Variants in MIPEP observed in about 807,000 individuals in gnomAD.
MIPEP encodes mitochondrial intermediate peptidase.
MIPEP carries 79 observed loss-of-function variants against 90.3 expected under a neutral mutation model. That is an observed-to-expected ratio of 0.87 (90% CI 0.73 to 1.05). MIPEP has a LOEUF of 1.05. Among genes scored for constraint, MIPEP ranks in the 50% least tolerant of loss-of-function variants. The pLI is 0.00. For missense variants in MIPEP, 940 were observed against 905.6 expected, an observed-to-expected ratio of 1.04 and a Z score of -0.49; for synonymous variants, 334 against 315.8, an observed-to-expected ratio of 1.06 and a Z score of -0.61.
chr13:23,806,181 A>G (rs929662936), intron 15 of MIPEP, 112 bp from the exon 16 acceptor site: 3 of 1,049,750 alleles, frequency 2.9e-6, no homozygotes, highest in Non-Finnish European at 4.3e-6. Flanking sequence ...TCACAGTTGA[A>G]AACAGTCACA....
intron 16 of MIPEP, among the ~76,000 whole-genome samples, chr13:23,772,685 A>G (rs1458748156): frequency 1.3e-5 from 2 of 152,184 alleles, no homozygotes; most frequent in African/African-American, 2.4e-5. Flanking sequence ...TGATGGCCTC[A>G]TATTTCCTTC....
chr13:23,843,915 T>C (rs1869418670), intron 10 of MIPEP, among the ~76,000 whole-genome samples: 1 of 152,146 alleles, frequency 6.6e-6, no homozygotes, highest in South Asian at 2.1e-4. Context: ...GTAGAGTCAC[T>C]GAATCAGCCG....
rs182486621 is a variant in MIPEP, at chr13:23,800,693, T to C, written c.1848+5257A>G. 9.2e-5 allele frequency among the ~76,000 whole-genome samples: 14 copies of C among 152,336 alleles called. No individual in the cohort carries two copies. In the East Asian group the frequency reaches 2.7e-3, roughly 29 times the overall value. Reference sequence around the variant, plus strand: ...GTAAAGAAAGCATCATTATTTAATATGGAATATCTGTGGAGCTGCCCCTAT... The same window carrying C: ...GTAAAGAAAGCATCATTATTTAATACGGAATATCTGTGGAGCTGCCCCTAT... On this transcript the variant is annotated intron_variant, in intron 16 of 18. Coordinates refer to ENST00000382172, the MANE Select transcript of MIPEP (RefSeq NM_005932.4).
chr13:23,741,795 C>T (rs1342245682), intron 18 of MIPEP, among the ~76,000 whole-genome samples: 1 of 150,250 alleles, frequency 6.7e-6, no homozygotes, highest in East Asian at 1.9e-4. Flanking sequence ...AACAAACCTG[C>T]ACATGTACAC....
intron 14 of MIPEP, among the ~76,000 whole-genome samples, chr13:23,829,076 T>TAA (rs1448671462): frequency 6.6e-6 from 1 of 152,118 alleles, no homozygotes; most frequent in Non-Finnish European, 1.5e-5. Context: ...GAAGAAAGGG[T>TAA]AAATTACTCA....
chr13:23,759,723 C>T lies in MIPEP; in HGVS notation c.1970+373G>A, dbSNP rs143496836. On this transcript the variant is annotated intron_variant, in intron 17 of 18. Transcript: ENST00000382172. ...TCCAGTGCCTTGTTTTGCCTCCATT[C>T]TGTGGAAAGGGGTGGGCATCCCGTA... 2.1e-3 allele frequency among the ~76,000 whole-genome samples: 316 copies of T among 152,288 alleles called. 3 individuals carry two copies. The highest frequency in any genetic ancestry group is 7.1e-3 in the African/African-American group (293 of 41,552).
At chr13:23,841,633 G>A in intron 10 of MIPEP, 145 bp from the exon 11 acceptor site, 1 of 874,698 alleles carries the variant, frequency 1.1e-6, no homozygotes, top group South Asian at 2.1e-5. Context: ...TCATTTGAGG[G>A]GTTTTCAGAC....
At chr13:23,747,976 T>C (rs1952401870) in intron 18 of MIPEP, among the ~76,000 whole-genome samples, 1 of 152,140 alleles carries the variant, frequency 6.6e-6, no homozygotes, top group Admixed American at 6.5e-5. Context: ...CCTGACCTTG[T>C]GATCAGCCCG....
chr13:23,743,071 A>G (rs1342632005), intron 18 of MIPEP, among the ~76,000 whole-genome samples: 1 of 152,244 alleles, frequency 6.6e-6, no homozygotes, highest in African/African-American at 2.4e-5. Context: ...ATTACTAGAC[A>G]TAACAATAAC....
At chr13:23,747,272 T>A (rs1952393062) in intron 18 of MIPEP, among the ~76,000 whole-genome samples, 1 of 152,156 alleles carries the variant, frequency 6.6e-6, no homozygotes, top group South Asian at 2.1e-4. Context: ...ATGGAGAATC[T>A]CCTTCCTGCA....
intron 18 of MIPEP, among the ~76,000 whole-genome samples, chr13:23,742,890 T>C (rs1026102975): frequency 6.6e-6 from 1 of 152,240 alleles, no homozygotes; most frequent in Admixed American, 6.5e-5. Context: ...CTCCACAGCA[T>C]TGTAAGTGTA....
chr13:23,780,151 GCCT>G (rs1952764343), intron 16 of MIPEP, among the ~76,000 whole-genome samples: 1 of 152,212 alleles, frequency 6.6e-6, no homozygotes, highest in Non-Finnish European at 1.5e-5. Flanking sequence ...CGGACAGACT[GCCT>G]CCTCAAGTGG....
intron 16 of MIPEP, among the ~76,000 whole-genome samples, chr13:23,772,999 T>C (rs1414853948): frequency 6.6e-6 from 1 of 152,230 alleles, no homozygotes; most frequent in Non-Finnish European, 1.5e-5. Context: ...TCACACACCA[T>C]ATAATTCACT....
In MIPEP at chr13:23,806,716, ATATCTATCTATC is replaced by A. The variant is rs10675933; in HGVS notation, c.1729-659_1729-648del. 5.4e-3 allele frequency among the ~76,000 whole-genome samples: 793 copies of A among 147,252 alleles called. 5 individuals are homozygous for A. The highest frequency in any genetic ancestry group is 0.014 in the African/African-American group (562 of 39,996). On this transcript the variant is annotated intron_variant, in intron 15 of 18. Transcript: ENST00000382172. ...AACAACAACAACAACAAAAAAATCT[ATATCTATCTATC>A]TATCTATCTATCTATCTATCTATCT...
At chr13:23,802,873 C>G (rs1253214842) in intron 16 of MIPEP, among the ~76,000 whole-genome samples, 1 of 152,020 alleles carries the variant, frequency 6.6e-6, no homozygotes, top group Non-Finnish European at 1.5e-5. Context: ...ATGAGTTTGC[C>G]CAACTGTAGG....
chr13:23,785,541 G>A (rs1349709373), intron 16 of MIPEP, among the ~76,000 whole-genome samples: 1 of 151,054 alleles, frequency 6.6e-6, no homozygotes, highest in African/African-American at 2.4e-5. Flanking sequence ...GAGTTAATGG[G>A]TGCAGCACAC....
intron 18 of MIPEP, among the ~76,000 whole-genome samples, chr13:23,751,996 C>A (rs181342796): frequency 2.6e-5 from 4 of 151,964 alleles, no homozygotes; most frequent in Admixed American, 2.6e-4. Flanking sequence ...ACATCTCTTG[C>A]CTTCTAAAGG....
At chr13:23,785,564 T>C (rs953039015) in intron 16 of MIPEP, among the ~76,000 whole-genome samples, 34 of 149,068 alleles carry the variant, frequency 2.3e-4, no homozygotes, top group Admixed American at 6.8e-4. Flanking sequence ...ACATGGCACA[T>C]GTATACATAT....
intron 14 of MIPEP, among the ~76,000 whole-genome samples, chr13:23,812,836 C>T (rs1216533682): frequency 6.6e-6 from 1 of 152,060 alleles, no homozygotes; most frequent in Non-Finnish European, 1.5e-5. Context: ...TATTCAATGT[C>T]TACTATACAT....
Sources: gnomAD v4.1 joint callset for allele counts (sites outside exome capture counted in the v4.1 genomes callset) on GRCh38, gnomAD v4.1.1 for gene constraint, MANE v1.5 for transcripts, NCBI Gene and HGNC (gene_info 2026-07-23, HGNC 2026-07-21) for gene names.